SYT1: variants seen among roughly 807,000 people sequenced by gnomAD.
SYT1 encodes the protein synaptotagmin-1.
SYT1 carries 8 observed loss-of-function variants against 44.8 expected under a neutral mutation model. That is an observed-to-expected ratio of 0.18 (90% CI 0.10 to 0.32). SYT1 has a LOEUF of 0.32. Among genes scored for constraint, SYT1 ranks in the 10% least tolerant of loss-of-function variants. The pLI, the probability that SYT1 is intolerant of heterozygous loss-of-function variation, is 1.00. For missense variants in SYT1, 286 were observed against 509.3 expected, an observed-to-expected ratio of 0.56 and a Z score of 4.22; for synonymous variants, 154 against 188.8, an observed-to-expected ratio of 0.82 and a Z score of 1.51.
intron 8 of SYT1, among the ~76,000 whole-genome samples, chr12:79,333,052 G>C (rs1215367131): frequency 6.6e-6 from 1 of 152,088 alleles, no homozygotes; most frequent in Non-Finnish European, 1.5e-5. Flanking sequence ...ATCTACAGAG[G>C]GTTATAATTT....
At chr12:79,351,749 T>C (rs1428946160) in intron 8 of SYT1, among the ~76,000 whole-genome samples, 5 of 152,120 alleles carry the variant, frequency 3.3e-5, no homozygotes, top group Non-Finnish European at 7.4e-5. Flanking sequence ...TAGGAGTGAG[T>C]AGGCACATCA....
intron 9 of SYT1, among the ~76,000 whole-genome samples, chr12:79,424,103 C>T (rs766099373): frequency 2.6e-5 from 4 of 151,904 alleles, no homozygotes; most frequent in African/African-American, 4.8e-5. Flanking sequence ...TTGATAAATG[C>T]TGTACGTATA....
chr12:79,368,749 G>GT (rs1165525463), intron 9 of SYT1, among the ~76,000 whole-genome samples: 1 of 106,166 alleles, frequency 9.4e-6, no homozygotes, highest in Non-Finnish European at 2.1e-5. Context: ...GGGGTTGTTT[G>GT]TTTTTTTCTT....
chr12:79,314,564 C>T (rs1262730190), intron 8 of SYT1, among the ~76,000 whole-genome samples: 2 of 152,118 alleles, frequency 1.3e-5, no homozygotes, highest in African/African-American at 4.8e-5. Flanking sequence ...ATAAGACAGA[C>T]AATAGCAAGT....
chr12:78,965,256 T>G (rs940813807), intron 1 of SYT1, among the ~76,000 whole-genome samples: 6 of 152,182 alleles, frequency 3.9e-5, no homozygotes, highest in Admixed American at 1.3e-4. Flanking sequence ...GTTTTAGGCC[T>G]TTAAGAGATA....
At chr12:79,129,198 C>A (rs1868645354) in intron 3 of SYT1, among the ~76,000 whole-genome samples, 1 of 152,074 alleles carries the variant, frequency 6.6e-6, no homozygotes. Context: ...AAAGCCTTTG[C>A]AATTTTTGTT....
At chr12:79,033,342 G>A (rs1467996685) in intron 2 of SYT1, among the ~76,000 whole-genome samples, 1 of 151,276 alleles carries the variant, frequency 6.6e-6, no homozygotes, top group Non-Finnish European at 1.5e-5. Context: ...GAAAACTTTA[G>A]TATGACTTAA....
At chr12:78,924,238 C>T (rs980840402) in intron 1 of SYT1, among the ~76,000 whole-genome samples, 2 of 151,906 alleles carry the variant, frequency 1.3e-5, no homozygotes, top group South Asian at 2.1e-4. Context: ...ACTTTATTAT[C>T]GGGTTAAGGT....
chr12:79,448,805 G>GTGCTTGGAGATTGATTCTTCTATTTCCAA (rs1870873623), intron 10 of SYT1, 113 bp from the exon 11 acceptor site: 3 of 901,628 alleles, frequency 3.3e-6, no homozygotes, highest in Non-Finnish European at 5.3e-6. Context: ...CCTCATCCTA[G>GTGCTTGGAGATTGATTCTTCTATTTCCAA]TGCTTGGAGA....
chr12:79,120,653 G>A (rs180978852), intron 3 of SYT1, among the ~76,000 whole-genome samples: 1 of 152,160 alleles, frequency 6.6e-6, no homozygotes, highest in Non-Finnish European at 1.5e-5. Context: ...TGAGTGAACT[G>A]TAAGCATCAA....
At chr12:79,272,665 G>A (rs1198358622) in intron 4 of SYT1, among the ~76,000 whole-genome samples, 1 of 152,144 alleles carries the variant, frequency 6.6e-6, no homozygotes, top group African/African-American at 2.4e-5. Context: ...GTAACTGAAC[G>A]AGTAGTGAGG....
chr12:79,067,627 C>A (rs1291668285), intron 3 of SYT1, among the ~76,000 whole-genome samples: 4 of 152,058 alleles, frequency 2.6e-5, no homozygotes, highest in African/African-American at 9.7e-5. Context: ...TGAGGCCAAG[C>A]AATTAGTTTG....
At chr12:79,098,677 G>A (rs557890540) in intron 3 of SYT1, among the ~76,000 whole-genome samples, 7 of 152,220 alleles carry the variant, frequency 4.6e-5, no homozygotes, top group African/African-American at 1.7e-4. Context: ...TGGGCTCTTG[G>A]CCCCAGTCCA....
At position 79,369,564 on chromosome 12, in the gene SYT1, A is replaced by C. The variant is rs191441917; in HGVS notation, c.928+15945A>C. Among the ~76,000 whole-genome samples, 5 of 152,358 alleles carry C rather than the reference A, an allele frequency of 3.3e-5. No individual in the cohort carries two copies. In the East Asian group the frequency reaches 9.6e-4, roughly 29 times the overall value. On this transcript the variant is annotated intron_variant, in intron 9 of 10. Coordinates refer to ENST00000261205, the MANE Select transcript of SYT1 (RefSeq NM_005639.3). ...TTAAGGGCTGCTTTCTTTTTAAATA[A>C]AGATATGTTTAGTATTTCTACAATA...
intron 3 of SYT1, among the ~76,000 whole-genome samples, chr12:79,066,995 A>G (rs139550110): frequency 3.9e-4 from 59 of 152,300 alleles, no homozygotes; most frequent in Admixed American, 7.2e-4. Flanking sequence ...ATGTTACTAT[A>G]CATTGCCTTG....
At chr12:79,175,127 A>G (rs1239042266) in intron 3 of SYT1, among the ~76,000 whole-genome samples, 1 of 132,758 alleles carries the variant, frequency 7.5e-6, no homozygotes, top group South Asian at 2.4e-4. Context: ...AACATGATTT[A>G]GCCTGTCCTC....
At chr12:79,085,401 C>T (rs553607362) in intron 3 of SYT1, among the ~76,000 whole-genome samples, 7 of 152,176 alleles carry the variant, frequency 4.6e-5, no homozygotes, top group Non-Finnish European at 1.0e-4. Context: ...GACTCTTATG[C>T]TTGAAAATCT....
At chr12:78,899,698 G>C (rs1209751448) in intron 1 of SYT1, among the ~76,000 whole-genome samples, 1 of 151,540 alleles carries the variant, frequency 6.6e-6, no homozygotes, top group Non-Finnish European at 1.5e-5. Context: ...TGTTTAATAC[G>C]CAAACTTAGC....
rs539417408 is a variant in SYT1, at chr12:79,240,785, T to C, written c.166+23100T>C. Among the ~76,000 whole-genome samples the C allele has an allele frequency of 2.6e-5, 4 of 152,244 alleles. No individual in the cohort carries two copies. The South Asian group carries it at 6.2e-4, about 24-fold the overall frequency. On this transcript the variant is annotated intron_variant, in intron 4 of 10. Transcript: ENST00000261205. ...ATTAGAAATTGCTAGCTTGACACAT[T>C]CATTTTTTAAAAAGTAATTATATAT...
Sources: allele counts gnomAD v4.1 joint callset (sites outside exome capture counted in the v4.1 genomes callset), GRCh38; gene constraint gnomAD v4.1.1; transcripts MANE v1.5; gene names NCBI Gene and HGNC (gene_info 2026-07-23, HGNC 2026-07-21).